Variants in PCNX1 observed in about 807,000 individuals in gnomAD.
PCNX1 encodes the protein pecanex 1.
PCNX1 carries 78 observed loss-of-function variants against 242.2 expected under a neutral mutation model. The observed-to-expected ratio is 0.32, with a 90% confidence interval of 0.27 to 0.39. The LOEUF is 0.39. Ranked by LOEUF, PCNX1 falls within the 10% of genes least tolerant of loss-of-function variation. The pLI is 1.00. For synonymous variants in PCNX1, 1,024 were observed against 1,032.9 expected (o/e 0.99, Z 0.17); for missense variants, 2,581 against 2,856.5 (o/e 0.90, Z 2.20).
chr14:71,035,767 G>A (rs1043384574), intron 18 of PCNX1, among the ~76,000 whole-genome samples: 1 of 152,098 alleles, frequency 6.6e-6, no homozygotes, highest in African/African-American at 2.4e-5. Context: ...ATATTAGCTG[G>A]GTATGGTGGG....
intron 8 of PCNX1, among the ~76,000 whole-genome samples, chr14:71,002,355 C>G (rs562460163): frequency 1.3e-5 from 2 of 152,190 alleles, no homozygotes; most frequent in South Asian, 4.1e-4. Flanking sequence ...TTTCTTGTTT[C>G]TTCATCAATT....
chr14:71,078,985 G>T (rs1228002960), intron 28 of PCNX1, among the ~76,000 whole-genome samples: 1 of 152,052 alleles, frequency 6.6e-6, no homozygotes. Flanking sequence ...TTTCTCCTAA[G>T]CTATGCCTCC....
intron 34 of PCNX1, 43 bp from the exon 35 acceptor site, chr14:71,109,409 T>C: frequency 6.4e-7 from 1 of 1,550,712 alleles, no homozygotes; most frequent in East Asian, 2.3e-5. Context: ...TTTTTCATCA[T>C]CAAGAAAAAA....
chr14:71,075,332 T>G (rs571016153), intron 27 of PCNX1, among the ~76,000 whole-genome samples: 4 of 152,128 alleles, frequency 2.6e-5, no homozygotes, highest in Non-Finnish European at 5.9e-5. Context: ...CCTCACGACC[T>G]TATTTGCTGA....
intron 22 of PCNX1, 28 bp from the exon 23 acceptor site, chr14:71,050,624 A>G (rs1238873665): frequency 1.4e-6 from 2 of 1,422,828 alleles, no homozygotes; most frequent in Admixed American, 5.1e-5. Context: ...TTTTTTTTTT[A>G]CTGACAGCCA....
Position 71,061,034 on chromosome 14 carries a change from G to A in PCNX1, c.4852+3310G>A, listed in dbSNP as rs372670999. ...TTTTGGAACTCTAGATAAGCTGATTGTGAGGAAAATTACTTCACAGGGCAA... is the reference window on the plus strand; with the variant it reads ...TTTTGGAACTCTAGATAAGCTGATTATGAGGAAAATTACTTCACAGGGCAA... On this transcript the variant is annotated intron_variant, in intron 26 of 35. Coordinates refer to ENST00000304743, the MANE Select transcript of PCNX1 (RefSeq NM_014982.3). 3.6e-3 allele frequency among the ~76,000 whole-genome samples: 551 copies of A among 152,310 alleles called. 1 individual carries two copies. Among genetic ancestry groups the A allele is most frequent in the African/African-American group, 0.013 (534 of 41,556 alleles).
intron 11 of PCNX1, 76 bp from the exon 12 acceptor site, chr14:71,018,933 C>G: frequency 6.5e-6 from 8 of 1,228,862 alleles, no homozygotes; most frequent in Non-Finnish European, 9.2e-6. Flanking sequence ...ATATTTATGT[C>G]TTCCCTTCCC....
chr14:70,948,429 G>A (rs1037160547), intron 2 of PCNX1, among the ~76,000 whole-genome samples: 6 of 152,144 alleles, frequency 3.9e-5, no homozygotes, highest in Admixed American at 3.3e-4. Flanking sequence ...TTGGGGGCTG[G>A]TTCCCCTGAT....
chr14:70,985,483 G>A (rs533489858), intron 6 of PCNX1, among the ~76,000 whole-genome samples: 2 of 152,262 alleles, frequency 1.3e-5, no homozygotes, highest in East Asian at 3.9e-4. Flanking sequence ...CAAAGTGCTG[G>A]GATTACAGGC....
rs2059091951 is a variant in PCNX1, at chr14:70,989,384, A to T, written c.2444+685A>T. ...AAGTAAGAAAGCATCCATTCATAAC[A>T]TTGTGGATAATTTTTCATTAAAATT... On this transcript the variant is annotated intron_variant, in intron 7 of 35. Transcript: ENST00000304743. Among the ~76,000 whole-genome samples the T allele has an allele frequency of 2.0e-5, 3 of 152,066 alleles. No individual in the cohort carries two copies. In the South Asian group the frequency reaches 6.2e-4, roughly 32 times the overall value.
chr14:71,036,301 G>T, intron 19 of PCNX1, 144 bp downstream of exon 19: 1 of 582,316 alleles, frequency 1.7e-6, no homozygotes. Flanking sequence ...ACGTAGCTAG[G>T]ACTACAGTTG....
intron 20 of PCNX1, among the ~76,000 whole-genome samples, chr14:71,045,885 C>T (rs2060846383): frequency 6.6e-6 from 1 of 152,156 alleles, no homozygotes; most frequent in African/African-American, 2.4e-5. Flanking sequence ...ACTGTAAACC[C>T]TGACATTTCT....
intron 29 of PCNX1, 58 bp downstream of exon 29, chr14:71,088,488 C>G: frequency 9.9e-7 from 1 of 1,008,608 alleles, no homozygotes; most frequent in South Asian, 1.3e-5. Context: ...TAGCCTAAAT[C>G]TAAAATGATT....
At chr14:70,950,223 C>T (rs531488147) in intron 2 of PCNX1, among the ~76,000 whole-genome samples, 3 of 152,072 alleles carry the variant, frequency 2.0e-5, no homozygotes, top group Admixed American at 6.5e-5. Context: ...CATTTATTTG[C>T]ATTGATGAAC....
At chr14:71,043,039 T>C (rs2060754553) in intron 19 of PCNX1, among the ~76,000 whole-genome samples, 1 of 152,132 alleles carries the variant, frequency 6.6e-6, no homozygotes. Context: ...TTATTTCTCC[T>C]TCATTTTTGA....
intron 9 of PCNX1, among the ~76,000 whole-genome samples, 158 bp from the exon 10 acceptor site, chr14:71,011,334 C>T (rs1279023582): frequency 2.0e-5 from 3 of 152,128 alleles, no homozygotes; most frequent in Admixed American, 1.3e-4. Flanking sequence ...TAGTCACTGA[C>T]CCAGAGTCTA....
chr14:71,052,133 T>A, intron 24 of PCNX1, 121 bp downstream of exon 24: 2 of 693,496 alleles, frequency 2.9e-6, no homozygotes, highest in South Asian at 2.3e-5. Context: ...TTATTTTTGC[T>A]AAAACTTAAT....
chr14:70,913,295 A>T (rs1360349872), intron 1 of PCNX1, among the ~76,000 whole-genome samples: 3 of 152,146 alleles, frequency 2.0e-5, no homozygotes, highest in Non-Finnish European at 2.9e-5. Flanking sequence ...TTGGAGGTGG[A>T]GGGAGGATTG....
intron 33 of PCNX1, among the ~76,000 whole-genome samples, chr14:71,108,274 G>A (rs4899382): frequency 0.73 from 111,333 of 152,176 alleles, 42,174 homozygotes; most frequent in African/African-American, 0.93. Context: ...ATTTTAAAAT[G>A]CTTCTGTGAA....
Sources: allele counts gnomAD v4.1 joint callset (sites outside exome capture counted in the v4.1 genomes callset), GRCh38; gene constraint gnomAD v4.1.1; transcripts MANE v1.5; gene names NCBI Gene and HGNC (gene_info 2026-07-23, HGNC 2026-07-21).